RPRD1A: variants seen among roughly 807,000 people sequenced by gnomAD.
The protein encoded by RPRD1A is regulation of nuclear pre-mRNA domain-containing protein 1A.
Under a neutral mutation model 37.8 loss-of-function variants are expected in RPRD1A, and 9 were observed. That is an observed-to-expected ratio of 0.24 (90% CI 0.14 to 0.42). The LOEUF (loss-of-function observed/expected upper bound fraction) is 0.42, where lower values mean the gene tolerates loss of function less well. Among genes scored for constraint, RPRD1A ranks in the 10% least tolerant of loss-of-function variants. The pLI, the probability that RPRD1A is intolerant of heterozygous loss-of-function variation, is 1.00. For missense variants in RPRD1A, 255 were observed against 371.0 expected, an observed-to-expected ratio of 0.69 and a Z score of 2.57; for synonymous variants, 138 against 139.7, an observed-to-expected ratio of 0.99 and a Z score of 0.08.
chr18:36,049,062 C>T (rs543450029), intron 1 of RPRD1A, among the ~76,000 whole-genome samples: 119 of 152,198 alleles, frequency 7.8e-4, no homozygotes, highest in African/African-American at 2.7e-3. Flanking sequence ...CCACCACTGC[C>T]GGCTAATTTT....
intron 6 of RPRD1A, among the ~76,000 whole-genome samples, chr18:36,014,853 C>T (rs987013445): frequency 6.6e-5 from 10 of 152,092 alleles, no homozygotes; most frequent in African/African-American, 2.4e-4. Context: ...TGTTCAATAT[C>T]ATTAATTATT....
At chr18:35,997,643 C>G (rs1038685177) in intron 6 of RPRD1A, among the ~76,000 whole-genome samples, 1 of 152,230 alleles carries the variant, frequency 6.6e-6, no homozygotes, top group Non-Finnish European at 1.5e-5. Context: ...AGAAAACCAA[C>G]TTTGCACCTT....
At chr18:36,053,429 T>C (rs951999836) in intron 1 of RPRD1A, among the ~76,000 whole-genome samples, 4 of 152,200 alleles carry the variant, frequency 2.6e-5, no homozygotes, top group South Asian at 2.1e-4. Flanking sequence ...ACGTGACTTT[T>C]TGTGTCTGCC....
At chr18:36,057,343 C>T (rs971281872) in intron 1 of RPRD1A, among the ~76,000 whole-genome samples, 2 of 151,074 alleles carry the variant, frequency 1.3e-5, no homozygotes, top group African/African-American at 4.9e-5. Flanking sequence ...CTCCATGGCT[C>T]ATGCCTGTAA....
chr18:36,015,940 A>C (rs796722805), intron 6 of RPRD1A, among the ~76,000 whole-genome samples: 5 of 152,356 alleles, frequency 3.3e-5, no homozygotes, highest in African/African-American at 1.2e-4. Flanking sequence ...AAAAATGCTT[A>C]ATATGGCAAA....
chr18:36,028,196 G>T (rs1236727540), intron 4 of RPRD1A: 1 of 150,756 alleles, frequency 6.6e-6, no homozygotes, highest in African/African-American at 2.4e-5. Context: ...AAAAAATATA[G>T]GATATTAGTA....
chr18:36,028,515 A>G (rs1911540104), intron 4 of RPRD1A, among the ~76,000 whole-genome samples: 1 of 152,186 alleles, frequency 6.6e-6, no homozygotes, highest in African/African-American at 2.4e-5. Context: ...CTGGAGTTCT[A>G]AGAAGAAATC....
intron 6 of RPRD1A, among the ~76,000 whole-genome samples, chr18:36,006,645 C>T (rs910933492): frequency 1.3e-5 from 2 of 152,164 alleles, no homozygotes; most frequent in Non-Finnish European, 2.9e-5. Context: ...GCTTCAAGGG[C>T]AGCATCACCT....
chr18:36,015,910 C>T (rs1910535156), intron 6 of RPRD1A, among the ~76,000 whole-genome samples: 1 of 152,136 alleles, frequency 6.6e-6, no homozygotes, highest in Non-Finnish European at 1.5e-5. Flanking sequence ...ATAGTTAACA[C>T]TAGTGACCTA....
At chr18:36,052,084 A>T (rs75866681) in intron 1 of RPRD1A, among the ~76,000 whole-genome samples, 70 of 151,916 alleles carry the variant, frequency 4.6e-4, no homozygotes, top group Non-Finnish European at 9.0e-4. Flanking sequence ...AGTCTCAGTA[A>T]GATTAAAACC....
intron 1 of RPRD1A, 33 bp downstream of exon 1, chr18:36,067,221 G>A (rs2089049631): frequency 6.5e-7 from 1 of 1,534,664 alleles, no homozygotes; most frequent in East Asian, 2.5e-5. Flanking sequence ...CGGCCGGGTG[G>A]TGGGAAGCGG....
At chr18:36,039,097 T>C (rs1912399685) in intron 1 of RPRD1A, among the ~76,000 whole-genome samples, 1 of 152,064 alleles carries the variant, frequency 6.6e-6, no homozygotes, top group Non-Finnish European at 1.5e-5. Flanking sequence ...TTTTGAAATG[T>C]AAGAAGGACA....
intron 1 of RPRD1A, among the ~76,000 whole-genome samples, chr18:36,062,046 G>C (rs2088921561): frequency 6.6e-6 from 1 of 152,058 alleles, no homozygotes; most frequent in African/African-American, 2.4e-5. Context: ...GGCCGGGCGC[G>C]GTGGCTCACG....
At chr18:36,039,142 G>T (rs900849599) in intron 1 of RPRD1A, among the ~76,000 whole-genome samples, 17 of 152,078 alleles carry the variant, frequency 1.1e-4, no homozygotes, top group African/African-American at 3.4e-4. Context: ...GAATGATATG[G>T]TTTGGCTGTG....
chr18:36,052,434 TTC>T (rs1484785600), intron 1 of RPRD1A, among the ~76,000 whole-genome samples: 1 of 152,152 alleles, frequency 6.6e-6, no homozygotes, highest in Non-Finnish European at 1.5e-5. Flanking sequence ...AGTTTGTCAC[TTC>T]TCTTTTTGTT....
In RPRD1A at chr18:36,030,923, T is replaced by G. The variant is rs1348142304; in HGVS notation, c.389-18A>C. The G allele has an allele frequency of 6.2e-7, 1 of 1,603,378 alleles. No homozygotes were observed. Among genetic ancestry groups the G allele is most frequent in the African/African-American group, 1.3e-5 (1 of 74,648 alleles). On this transcript the variant is annotated intron_variant, in intron 3 of 6. Transcript: ENST00000399022. ...ATCACCATCTGAAATGAAAGAACAT[T>G]TAAGTATTAATGAAAGAATACATTT...
At chr18:36,011,107 T>TG (rs1910151413) in intron 6 of RPRD1A, among the ~76,000 whole-genome samples, 1 of 152,194 alleles carries the variant, frequency 6.6e-6, no homozygotes, top group Admixed American at 6.5e-5. Flanking sequence ...TTTTTTTTGT[T>TG]GGGGGCTAAA....
At chr18:36,039,803 G>A (rs1912455354) in intron 1 of RPRD1A, among the ~76,000 whole-genome samples, 1 of 152,038 alleles carries the variant, frequency 6.6e-6, no homozygotes, top group Non-Finnish European at 1.5e-5. Context: ...CATTCCGAGG[G>A]AAACCTTCTA....
At chr18:36,025,336 C>CCTGACA in intron 6 of RPRD1A, 1 of 288,604 alleles carries the variant, frequency 3.5e-6, no homozygotes, top group South Asian at 3.4e-5. Flanking sequence ...TAGAATAGTA[C>CCTGACA]CTGACACATG....
Sources: gnomAD v4.1 joint callset for allele counts (sites outside exome capture counted in the v4.1 genomes callset) on GRCh38, gnomAD v4.1.1 for gene constraint, MANE v1.5 for transcripts, NCBI Gene and HGNC (gene_info 2026-07-23, HGNC 2026-07-21) for gene names.